The following PELI2 variants were observed in gnomAD, a reference collection of about 807,000 sequenced individuals.
PELI2 encodes the protein E3 ubiquitin-protein ligase pellino homolog 2.
A neutral mutation model predicts 42.3 loss-of-function variants in PELI2; 23 were observed. The observed-to-expected ratio is 0.54, with a 90% CI of 0.39 to 0.77. The LOEUF (loss-of-function observed/expected upper bound fraction) is 0.77, where lower values mean the gene tolerates loss of function less well. Ranked by LOEUF, PELI2 falls within the 30% of genes least tolerant of loss-of-function variation. PELI2 has a pLI of 0.00. For synonymous variants in PELI2, 245 were observed against 212.2 expected (o/e 1.15, Z -1.34); for missense variants, 463 against 553.2 (o/e 0.84, Z 1.64).
intron 1 of PELI2, among the ~76,000 whole-genome samples, chr14:56,154,012 T>C (rs1269243726): frequency 1.3e-5 from 2 of 152,222 alleles, no homozygotes; most frequent in Non-Finnish European, 2.9e-5. Flanking sequence ...TAACAAAATA[T>C]ACACTTTAAA....
At chr14:56,208,307 T>TC (rs1466961399) in intron 2 of PELI2, among the ~76,000 whole-genome samples, 1 of 152,182 alleles carries the variant, frequency 6.6e-6, no homozygotes, top group Non-Finnish European at 1.5e-5. Context: ...CCAGAAGAGA[T>TC]GTCATCTAAG....
At chr14:56,171,035 G>T (rs914428187) in intron 1 of PELI2, among the ~76,000 whole-genome samples, 1 of 152,162 alleles carries the variant, frequency 6.6e-6, no homozygotes, top group Non-Finnish European at 1.5e-5. Flanking sequence ...CCAGCCCAGG[G>T]AACGTTCTGA....
intron 4 of PELI2, among the ~76,000 whole-genome samples, chr14:56,289,435 G>A (rs1389014165): frequency 6.6e-5 from 10 of 152,174 alleles, no homozygotes; most frequent in Non-Finnish European, 1.3e-4. Context: ...GAGGGTGGCA[G>A]AAGCACTGTT....
chr14:56,246,884 G>C (rs1431166462), intron 2 of PELI2, among the ~76,000 whole-genome samples: 2 of 152,032 alleles, frequency 1.3e-5, no homozygotes, highest in Non-Finnish European at 2.9e-5. Context: ...TAGAATTTAA[G>C]AAATATTACA....
chr14:56,283,683 G>A (rs932022386), intron 3 of PELI2, among the ~76,000 whole-genome samples: 2 of 152,206 alleles, frequency 1.3e-5, no homozygotes, highest in African/African-American at 2.4e-5. Context: ...AGAGGCATTA[G>A]GGGCAGAGCT....
chr14:56,297,592 G>T lies in PELI2; in HGVS notation c.*426G>T, dbSNP rs200258250. 206 of 177,332 alleles carry T rather than the reference G, an allele frequency of 1.2e-3. 1 individual carries two copies. Among genetic ancestry groups the T allele is most frequent in the Non-Finnish European group, 1.8e-3 (150 of 82,520 alleles). 11.0% of individuals were successfully genotyped at this position (177,332 alleles called of 1,614,324 possible). A position where few individuals can be genotyped will look rare whatever the true frequency, so the allele number is the denominator to read the frequency against. On this transcript the variant is annotated 3_prime_UTR_variant, in exon 6 of 6. Transcript: ENST00000267460. Reference sequence around the variant, plus strand: ...GTGGTGTAGGTGTTACGCGAAGGGCGCACAGTGTCTAGAAATACTTGATCG... The same window carrying T: ...GTGGTGTAGGTGTTACGCGAAGGGCTCACAGTGTCTAGAAATACTTGATCG...
intron 2 of PELI2, among the ~76,000 whole-genome samples, chr14:56,245,725 A>C (rs1440565497): frequency 6.6e-6 from 1 of 152,240 alleles, no homozygotes; most frequent in African/African-American, 2.4e-5. Context: ...AGATCCAACA[A>C]ACTGAGGATC....
intron 2 of PELI2, among the ~76,000 whole-genome samples, chr14:56,186,724 T>C (rs1193889599): frequency 2.0e-5 from 3 of 152,192 alleles, no homozygotes; most frequent in Non-Finnish European, 2.9e-5. Flanking sequence ...GTAACTTAAT[T>C]ATCTGTGTAA....
intron 2 of PELI2, among the ~76,000 whole-genome samples, chr14:56,239,148 A>C (rs1201375763): frequency 4.6e-5 from 7 of 152,252 alleles, no homozygotes. Context: ...AAGGGCTACA[A>C]TAATGAAAAA....
intron 1 of PELI2, chr14:56,118,967 C>A (rs923309221): frequency 2.0e-5 from 5 of 245,286 alleles, no homozygotes. Flanking sequence ...GCGGAGGACG[C>A]GGCGGAGGAA....
chr14:56,146,364 T>G (rs1191550649), intron 1 of PELI2, among the ~76,000 whole-genome samples: 1 of 152,214 alleles, frequency 6.6e-6, no homozygotes, highest in Non-Finnish European at 1.5e-5. Flanking sequence ...AAAAATAGTC[T>G]TCTTTACATA....
intron 1 of PELI2, among the ~76,000 whole-genome samples, chr14:56,132,761 C>T (rs2139590419): frequency 6.6e-6 from 1 of 152,300 alleles, no homozygotes; most frequent in African/African-American, 2.4e-5. Flanking sequence ...TGAACACTCA[C>T]CATGTTGGTT....
chr14:56,193,781 A>C (rs954673404), intron 2 of PELI2, among the ~76,000 whole-genome samples: 1 of 152,198 alleles, frequency 6.6e-6, no homozygotes, highest in Non-Finnish European at 1.5e-5. Context: ...AAAATGTTTT[A>C]AGTTAATGTG....
At position 56,204,806 on chromosome 14, in the gene PELI2, G is replaced by T. The variant is rs1886454536; in HGVS notation, c.207+26342G>T. 2.0e-5 allele frequency among the ~76,000 whole-genome samples: 3 copies of T among 152,044 alleles called. No individual in the cohort carries two copies. The South Asian group carries it at 6.2e-4, about 31-fold the overall frequency. ...TCCCAGCACTTTGAGACGCCAAGGTGGGTGGATCATGAGGTTAGATCGAGA... is the reference window on the plus strand; with the variant it reads ...TCCCAGCACTTTGAGACGCCAAGGTTGGTGGATCATGAGGTTAGATCGAGA... On this transcript the variant is annotated intron_variant, in intron 2 of 5. Transcript: ENST00000267460.
At chr14:56,286,228 G>T (rs550357575) in intron 3 of PELI2, among the ~76,000 whole-genome samples, 1 of 152,290 alleles carries the variant, frequency 6.6e-6, no homozygotes, top group East Asian at 1.9e-4. Flanking sequence ...AAAATCCTTG[G>T]GAAAGGGAGA....
At chr14:56,237,080 C>T (rs576361426) in intron 2 of PELI2, among the ~76,000 whole-genome samples, 5 of 152,296 alleles carry the variant, frequency 3.3e-5, no homozygotes, top group African/African-American at 1.2e-4. Context: ...GCAAATGTCC[C>T]CTCCTTGCTT....
chr14:56,154,179 A>G (rs1326913832), intron 1 of PELI2, among the ~76,000 whole-genome samples: 1 of 152,234 alleles, frequency 6.6e-6, no homozygotes, highest in Non-Finnish European at 1.5e-5. Context: ...CATGTTTAAG[A>G]GATGATGCTA....
chr14:56,152,676 A>T (rs148916236), intron 1 of PELI2, among the ~76,000 whole-genome samples: 123 of 152,306 alleles, frequency 8.1e-4, no homozygotes, highest in African/African-American at 2.8e-3. Context: ...TTAATTTTTC[A>T]TATATATTCT....
At position 56,215,304 on chromosome 14, in the gene PELI2, G is replaced by T. The variant is rs550182626; in HGVS notation, c.207+36840G>T. ...TACACCCTTTTCATGGGCACCAAGGGGTTTGGACATTTAAGGATAGACAAC... is the reference window on the plus strand; with the variant it reads ...TACACCCTTTTCATGGGCACCAAGGTGTTTGGACATTTAAGGATAGACAAC... On this transcript the variant is annotated intron_variant, in intron 2 of 5. Transcript: ENST00000267460. Among the ~76,000 whole-genome samples, 44 of 152,268 alleles carry T rather than the reference G, an allele frequency of 2.9e-4. 2 individuals are homozygous for T. In the South Asian group the frequency reaches 7.7e-3, roughly 27 times the overall value.
Sources: allele counts gnomAD v4.1 joint callset (sites outside exome capture counted in the v4.1 genomes callset), GRCh38; gene constraint gnomAD v4.1.1; transcripts MANE v1.5; gene names NCBI Gene and HGNC (gene_info 2026-07-23, HGNC 2026-07-21).